ITGAE: variants seen among roughly 807,000 people sequenced by gnomAD.
The protein encoded by ITGAE is integrin subunit alpha E.
A neutral mutation model predicts 136.5 loss-of-function variants in ITGAE; 99 were observed. The ratio of observed to expected loss-of-function variants is 0.73; its 90% CI spans 0.62 to 0.86. The LOEUF is 0.86. Ranked by LOEUF, ITGAE falls within the 40% of genes least tolerant of loss-of-function variation. The pLI, the probability that ITGAE is intolerant of heterozygous loss-of-function variation, is 0.00. For missense variants in ITGAE, 1,447 were observed against 1,515.3 expected, an observed-to-expected ratio of 0.95 and a Z score of 0.75; for synonymous variants, 613 against 591.8, an observed-to-expected ratio of 1.04 and a Z score of -0.52.
At chr17:3,718,253 T>C (rs759356106) in intron 29 of ITGAE, 2 of 152,266 alleles carry the variant, frequency 1.3e-5, no homozygotes, top group Non-Finnish European at 2.9e-5. Context: ...GGATGTCTCC[T>C]GGGAGCTTTT....
chr17:3,715,718 G>A (rs940948018), intron 30 of ITGAE, among the ~76,000 whole-genome samples: 2 of 152,048 alleles, frequency 1.3e-5, no homozygotes, highest in African/African-American at 4.8e-5. Flanking sequence ...TTAGCTGGGT[G>A]TGGTGGCATG....
intron 26 of ITGAE, chr17:3,724,551 C>G: frequency 6.2e-7 from 1 of 1,614,162 alleles, no homozygotes; most frequent in Non-Finnish European, 8.5e-7. Flanking sequence ...GAGCGGCCTC[C>G]ACCTCCCAGA....
rs370474672 is a variant in ITGAE, at chr17:3,776,203, G to A, written c.155+1337C>T. On this transcript the variant is annotated intron_variant, in intron 2 of 30. Transcript: ENST00000263087. ...CTCCCGAGTAGCTGGGACTACGCGCGTGTACCACCACGCCCAGATAATTTT... is the reference window on the plus strand; with the variant it reads ...CTCCCGAGTAGCTGGGACTACGCGCATGTACCACCACGCCCAGATAATTTT... Among the ~76,000 whole-genome samples, 64 of 151,616 alleles carry A rather than the reference G, an allele frequency of 4.2e-4. No homozygotes were observed. In the East Asian group the frequency reaches 4.7e-3, roughly 11 times the overall value.
At chr17:3,768,696 C>T (rs2052354240) in intron 2 of ITGAE, among the ~76,000 whole-genome samples, 2 of 152,370 alleles carry the variant, frequency 1.3e-5, no homozygotes, top group South Asian at 4.1e-4. Context: ...CCGTGCCTCA[C>T]AACCCAGTTA....
intron 26 of ITGAE, chr17:3,725,838 TC>T: frequency 6.2e-7 from 1 of 1,611,762 alleles, no homozygotes. Flanking sequence ...GCTCACAGCC[TC>T]CCTCGCAGTG....
At chr17:3,763,296 A>G (rs1302533535) in intron 3 of ITGAE, among the ~76,000 whole-genome samples, 1 of 142,076 alleles carries the variant, frequency 7.0e-6, no homozygotes, top group Admixed American at 7.0e-5. Context: ...GAGTTTAATG[A>G]GTGAATCAGG....
intron 18 of ITGAE, among the ~76,000 whole-genome samples, 195 bp from the exon 19 acceptor site, chr17:3,743,812 C>G (rs1267369599): frequency 6.8e-6 from 1 of 147,968 alleles, no homozygotes; most frequent in Non-Finnish European, 1.5e-5. Flanking sequence ...AAGCGATTCT[C>G]CTACCTCAGC....
rs911333252 is a variant in ITGAE at position 3,755,165 on chromosome 17, T to A, written c.1336A>T (p.Thr446Ser). The A allele has an allele frequency of 6.5e-7, 1 of 1,531,110 alleles. No homozygotes were observed. Among genetic ancestry groups the A allele is most frequent in the African/African-American group, 1.4e-5 (1 of 71,300 alleles). 94.8% of individuals were successfully genotyped at this position (1,531,110 alleles called of 1,614,324 possible). The change falls in exon 12 of 31, where the codon ACA (threonine) becomes TCA (serine). Residue 446 changes from threonine (T) to serine (S), a missense_variant. Around this residue, in one of 3 missense-constraint regions of ITGAE, gnomAD observed 1,031 missense variants for 1,011.4 expected, o/e 1.02. Coordinates refer to ENST00000263087, the MANE Select transcript of ITGAE (RefSeq NM_002208.5). ...TCCGCGTCTGCCGCCGCCGCCGCTG[T>A]CTGGTTCAGGAAGCGGCCCCGGCGG... ...RSRRGRFLNQ[T>S]AAAAADAEAA... is the part of the protein sequence containing the mutation.
At position 3,777,673 on chromosome 17, in the gene ITGAE, G is replaced by A; in HGVS notation, c.35-13C>T. ...AGCAGGGCCAGGCCTGTAGGGAAAAGAGGAGCGTTTAATGAAAGAGGCCTT... is the reference window on the plus strand; with the variant it reads ...AGCAGGGCCAGGCCTGTAGGGAAAAAAGGAGCGTTTAATGAAAGAGGCCTT... On this transcript the variant is annotated splice_polypyrimidine_tract_variant and intron_variant, in intron 1 of 30. Coordinates refer to ENST00000263087, the MANE Select transcript of ITGAE (RefSeq NM_002208.5). 6.3e-7 allele frequency: 1 copy of A among 1,598,928 alleles called. No individual in the cohort carries two copies. Among genetic ancestry groups the A allele is most frequent in the Non-Finnish European group, 8.5e-7 (1 of 1,172,454 alleles).
intron 2 of ITGAE, among the ~76,000 whole-genome samples, chr17:3,766,117 C>T (rs757910226): frequency 2.2e-4 from 34 of 152,132 alleles, no homozygotes; most frequent in Admixed American, 1.3e-3. Context: ...AGGGAGGCCC[C>T]GAAAACGGTG....
chr17:3,789,203 C>T (rs562936520), intron 1 of ITGAE, among the ~76,000 whole-genome samples: 140 of 152,196 alleles, frequency 9.2e-4, no homozygotes, highest in Non-Finnish European at 1.5e-3. Context: ...GCCTTGATCA[C>T]ACCACAGCAC....
rs930957758 is a variant in ITGAE, at chr17:3,799,346, G to C, written c.34+1765C>G. On this transcript the variant is annotated intron_variant, in intron 1 of 30. Coordinates refer to ENST00000263087, the MANE Select transcript of ITGAE (RefSeq NM_002208.5). This position sits in a 1 kb window ranked among gnomAD's most constrained non-coding sequence, Gnocchi z 4.1. ...GTGGCTGAGCTGAGCTGTGGGCTAA[G>C]TGGTCTCATGGCAAGTCTGCTCCAT... Among the ~76,000 whole-genome samples, 2 of 152,324 alleles carry C rather than the reference G, an allele frequency of 1.3e-5. No individual in the cohort carries two copies. Among genetic ancestry groups the C allele is most frequent in the Admixed American group, 1.3e-4 (2 of 15,298 alleles).
chr17:3,782,092 T>C (rs1459736715), intron 1 of ITGAE, among the ~76,000 whole-genome samples: 2 of 151,714 alleles, frequency 1.3e-5, no homozygotes, highest in Admixed American at 1.3e-4. Flanking sequence ...CTGACCAATG[T>C]GGTGAAACAC....
chr17:3,797,213 T>C (rs1367066757), intron 1 of ITGAE, among the ~76,000 whole-genome samples: 1 of 142,448 alleles, frequency 7.0e-6, no homozygotes, highest in Non-Finnish European at 1.5e-5. Flanking sequence ...TCGCCCAGGC[T>C]GGAGTGCAGT....
At chr17:3,720,865 GA>G (rs970670164) in intron 28 of ITGAE, among the ~76,000 whole-genome samples, 2 of 152,120 alleles carry the variant, frequency 1.3e-5, no homozygotes, top group African/African-American at 2.4e-5. Flanking sequence ...TTACAGGCGT[GA>G]GCTGCCGCGC....
intron 4 of ITGAE, 147 bp downstream of exon 4, chr17:3,761,768 A>G: frequency 2.7e-6 from 2 of 739,104 alleles, no homozygotes; most frequent in Non-Finnish European, 4.5e-6. Flanking sequence ...TCAGAGCTAC[A>G]GTCAGCCCTG....
At chr17:3,749,960 G>A (rs1300235491) in intron 16 of ITGAE, among the ~76,000 whole-genome samples, 1 of 151,992 alleles carries the variant, frequency 6.6e-6, no homozygotes, top group Non-Finnish European at 1.5e-5. Flanking sequence ...AGGTTGCAGT[G>A]AACCAAGATT....
intron 1 of ITGAE, among the ~76,000 whole-genome samples, chr17:3,783,965 T>C (rs2143385337): frequency 6.6e-6 from 1 of 152,334 alleles, no homozygotes; most frequent in Non-Finnish European, 1.5e-5. Context: ...TTACGTCAAC[T>C]ATAAAAGCAG....
At chr17:3,774,052 G>C (rs1597356027) in intron 2 of ITGAE, among the ~76,000 whole-genome samples, 1 of 152,064 alleles carries the variant, frequency 6.6e-6, no homozygotes, top group Admixed American at 6.5e-5. Flanking sequence ...TGGCTGTCAG[G>C]GTCAAGGCCC....
Sources: gnomAD v4.1 joint callset for allele counts (sites outside exome capture counted in the v4.1 genomes callset) on GRCh38, gnomAD v4.1.1 for gene constraint, gnomAD v4.1.1 regional missense constraint, Gnocchi (gnomAD v3.1) non-coding constraint, MANE v1.5 for transcripts, NCBI Gene and HGNC (gene_info 2026-07-23, HGNC 2026-07-21) for gene names.